Variants in RBKS observed in about 807,000 individuals in gnomAD.
RBKS encodes the protein ribokinase.
Under a neutral mutation model 33.9 loss-of-function variants are expected in RBKS, and 33 were observed. That is an observed-to-expected ratio of 0.97 (90% CI 0.74 to 1.30). The LOEUF (loss-of-function observed/expected upper bound fraction) is 1.30, where lower values mean the gene tolerates loss of function less well. Ranked by LOEUF, RBKS falls within the 50% of genes most tolerant of loss-of-function variation. The pLI, the probability that RBKS is intolerant of heterozygous loss-of-function variation, is 0.00. For missense variants in RBKS, 361 were observed against 392.6 expected, an observed-to-expected ratio of 0.92 and a Z score of 0.68; for synonymous variants, 125 against 143.0, an observed-to-expected ratio of 0.87 and a Z score of 0.90.
intron 1 of RBKS, among the ~76,000 whole-genome samples, chr2:27,878,381 T>G (rs1317108008): frequency 6.6e-6 from 1 of 150,694 alleles, no homozygotes; most frequent in Non-Finnish European, 1.5e-5. Context: ...TATGGCTGCA[T>G]AGTATTCCAT....
intron 1 of RBKS, among the ~76,000 whole-genome samples, chr2:27,877,922 C>T (rs1320956661): frequency 6.6e-6 from 1 of 152,174 alleles, no homozygotes; most frequent in African/African-American, 2.4e-5. Context: ...GCCTTTAAAA[C>T]ATTGGCTTCT....
chr2:27,805,488 G>A (rs1279806242), intron 7 of RBKS, among the ~76,000 whole-genome samples: 1 of 152,232 alleles, frequency 6.6e-6, no homozygotes, highest in Non-Finnish European at 1.5e-5. Context: ...ACACAACATA[G>A]TTGGCCCTGA....
chr2:27,799,184 T>C (rs1313011334), intron 7 of RBKS, among the ~76,000 whole-genome samples: 2 of 152,076 alleles, frequency 1.3e-5, no homozygotes, highest in East Asian at 3.8e-4. Flanking sequence ...TTCCAGTTGA[T>C]AGAAAAGGGG....
chr2:27,868,015 C>T (rs1664134374), intron 1 of RBKS, among the ~76,000 whole-genome samples: 2 of 152,242 alleles, frequency 1.3e-5, no homozygotes, highest in Admixed American at 1.3e-4. Flanking sequence ...CAAATAACTA[C>T]AAAACCAATA....
intron 3 of RBKS, among the ~76,000 whole-genome samples, chr2:27,847,780 T>G (rs1043342118): frequency 1.3e-5 from 2 of 152,246 alleles, no homozygotes; most frequent in African/African-American, 2.4e-5. Flanking sequence ...TGCAGCACCT[T>G]TTTCTCCTTG....
At position 27,858,563 on chromosome 2, in the gene RBKS, G is replaced by A. The variant is rs147627651; in HGVS notation, c.98C>T (p.Ser33Phe). 5.0e-6 allele frequency: 8 copies of A among 1,612,450 alleles called. No individual in the cohort carries two copies. In the African/African-American group the frequency reaches 8.0e-5, roughly 16 times the overall value. The change falls in exon 2 of 8, where the codon TCT becomes TTT. Residue 33 changes from serine (S) to phenylalanine (F), a missense_variant. Ser to Phe is a radical substitution (Grantham distance 155). Coordinates refer to ENST00000302188, the MANE Select transcript of RBKS (RefSeq NM_022128.3). ...SCMTDLVSLT[S>F]RLPKTGETIH... ...GGTTTCTCCAGTTTTTGGCAAACGAGAAGTAAGACTATTGTAATTTAAAAA... is the reference window on the plus strand; with the variant it reads ...GGTTTCTCCAGTTTTTGGCAAACGAAAAGTAAGACTATTGTAATTTAAAAA...
intron 7 of RBKS, among the ~76,000 whole-genome samples, chr2:27,813,131 C>A (rs886968497): frequency 1.3e-5 from 2 of 152,006 alleles, no homozygotes; most frequent in Non-Finnish European, 2.9e-5. Context: ...TAGGGATACT[C>A]CTGGGGCAGC....
intron 7 of RBKS, among the ~76,000 whole-genome samples, chr2:27,787,481 A>G (rs1332346922): frequency 6.6e-6 from 1 of 152,114 alleles, no homozygotes. Flanking sequence ...CATGGTCTCA[A>G]ACTCCTGGGC....
At chr2:27,819,386 A>C (rs189676637) in intron 7 of RBKS, among the ~76,000 whole-genome samples, 1 of 152,090 alleles carries the variant, frequency 6.6e-6, no homozygotes, top group Non-Finnish European at 1.5e-5. Flanking sequence ...TTCTTTTCCT[A>C]TCTCCAAATA....
intron 7 of RBKS, among the ~76,000 whole-genome samples, chr2:27,801,156 GGCTGAACAGATGGTGCAGGAACAGTGTGA>G (rs1261073480): frequency 6.6e-6 from 1 of 152,184 alleles, no homozygotes; most frequent in Non-Finnish European, 1.5e-5. Flanking sequence ...GGGGCAGGCA[GGCTGAACAGATGGTGCAGGAACAGTGTGA>G]TTTTGGAGGA....
At chr2:27,883,698 G>C (rs1379072210) in intron 1 of RBKS, among the ~76,000 whole-genome samples, 2 of 151,920 alleles carry the variant, frequency 1.3e-5, no homozygotes, top group East Asian at 1.9e-4. Context: ...ATAGTACACA[G>C]TAGGTGCTCT....
chr2:27,789,935 A>ATG (rs1677482736), intron 7 of RBKS, among the ~76,000 whole-genome samples: 8 of 134,214 alleles, frequency 6.0e-5, no homozygotes, highest in African/African-American at 2.3e-4. Context: ...GTATATATAT[A>ATG]TATATGTATA....
intron 1 of RBKS, among the ~76,000 whole-genome samples, chr2:27,871,499 T>C (rs149808716): frequency 1.6e-3 from 251 of 152,334 alleles, no homozygotes; most frequent in African/African-American, 5.7e-3. Flanking sequence ...TGTCTCATCA[T>C]TGGGTCTTTC....
chr2:27,883,143 G>A (rs550006583), intron 1 of RBKS, among the ~76,000 whole-genome samples: 8 of 151,560 alleles, frequency 5.3e-5, no homozygotes, highest in African/African-American at 1.7e-4. Flanking sequence ...TGTTATGGCA[G>A]CACAAAAGGG....
chr2:27,783,967 G>A (rs925165881), intron 7 of RBKS, among the ~76,000 whole-genome samples: 1 of 142,072 alleles, frequency 7.0e-6, no homozygotes, highest in African/African-American at 2.6e-5. Flanking sequence ...AGCTCTCAGG[G>A]TCATTTTCTT....
chr2:27,850,290 GTACT>G (rs755080757), intron 2 of RBKS, among the ~76,000 whole-genome samples: 1 of 152,152 alleles, frequency 6.6e-6, no homozygotes, highest in Non-Finnish European at 1.5e-5. Context: ...CAACTAAGTG[GTACT>G]TTGTTACAAC....
At chr2:27,861,818 A>T (rs1663993847) in intron 1 of RBKS, among the ~76,000 whole-genome samples, 1 of 151,108 alleles carries the variant, frequency 6.6e-6, no homozygotes, top group Non-Finnish European at 1.5e-5. Flanking sequence ...TGCCCAGCTA[A>T]TTTTTTTTGT....
At chr2:27,866,036 G>T (rs1664092336) in intron 1 of RBKS, among the ~76,000 whole-genome samples, 2 of 152,100 alleles carry the variant, frequency 1.3e-5, no homozygotes, top group African/African-American at 4.8e-5. Context: ...CCTTTGGGTG[G>T]ATCTGGGTTT....
At chr2:27,858,269 G>A (rs1363995828) in intron 2 of RBKS, among the ~76,000 whole-genome samples, 170 bp downstream of exon 2, 1 of 152,166 alleles carries the variant, frequency 6.6e-6, no homozygotes, top group African/African-American at 2.4e-5. Flanking sequence ...TGATGGTAAA[G>A]TTCTGGAACA....
Sources: gnomAD v4.1 joint callset for allele counts (sites outside exome capture counted in the v4.1 genomes callset) on GRCh38, gnomAD v4.1.1 for gene constraint, MANE v1.5 for transcripts, NCBI Gene and HGNC (gene_info 2026-07-23, HGNC 2026-07-21) for gene names.